Variants in ZNF577 observed in about 807,000 individuals in gnomAD.
The protein encoded by ZNF577 is zinc finger protein 577.
In ZNF577, 14 loss-of-function variants were observed where a neutral mutation model predicts 13.9. The observed-to-expected ratio is 1.00, with a 90% confidence interval of 0.66 to 1.57. The LOEUF is 1.57. Among genes scored for constraint, ZNF577 ranks in the 40% most tolerant of loss-of-function variants. ZNF577 has a pLI of 0.00. For missense variants in ZNF577, 555 were observed against 579.2 expected, an observed-to-expected ratio of 0.96 and a Z score of 0.43; for synonymous variants, 203 against 202.9, an observed-to-expected ratio of 1.00 and a Z score of 0.00.
intron 9 of ZNF577, among the ~76,000 whole-genome samples, chr19:51,829,676 A>G (rs1387962420): frequency 6.6e-6 from 1 of 152,212 alleles, no homozygotes; most frequent in African/African-American, 2.4e-5. Flanking sequence ...TAGTGAAGTC[A>G]GAAAAGATGA....
chr19:51,848,926 G>A (rs2084367338), intron 5 of ZNF577, among the ~76,000 whole-genome samples: 1 of 151,786 alleles, frequency 6.6e-6, no homozygotes, highest in South Asian at 2.1e-4. Flanking sequence ...AGATTATATT[G>A]CCTTTAGATA....
Position 51,873,008 on chromosome 19 carries a change from A to G in ZNF577, c.982T>C (p.Cys328Arg), listed in dbSNP as rs781413450. The G allele has an allele frequency of 4.3e-6, 7 of 1,614,104 alleles. No homozygotes were observed. Among genetic ancestry groups the G allele is most frequent in the Middle Eastern group, 1.6e-4 (1 of 6,082 alleles). Residue 328 changes from cysteine to arginine, a missense_variant, in exon 6 of 6, where the codon TGT becomes CGT. Transcript: ENST00000638348. ...CTAAAGGCTTTTTCACACTCACTACATTCATAAGGTTTCTCTCCCGTATGA... is the reference window on the plus strand; with the variant it reads ...CTAAAGGCTTTTTCACACTCACTACGTTCATAAGGTTTCTCTCCCGTATGA... Reference protein sequence around the residue: ...RIHTGEKPYECSECEKAFRSK... With the variant: ...RIHTGEKPYERSECEKAFRSK...
intron 10 of ZNF577, among the ~76,000 whole-genome samples, chr19:51,808,130 C>T (rs2084072707): frequency 6.6e-6 from 1 of 152,186 alleles, no homozygotes; most frequent in Non-Finnish European, 1.5e-5. Flanking sequence ...TTAGTTGCTG[C>T]AGGGAATTTA....
intron 6 of ZNF577, among the ~76,000 whole-genome samples, chr19:51,844,162 A>C (rs1197825557): frequency 6.6e-6 from 1 of 151,142 alleles, no homozygotes; most frequent in Non-Finnish European, 1.5e-5. Flanking sequence ...ACTTCTTACT[A>C]TGTGCTATGT....
At chr19:51,827,200 C>T (rs2084236598) in intron 9 of ZNF577, among the ~76,000 whole-genome samples, 1 of 152,194 alleles carries the variant, frequency 6.6e-6, no homozygotes. Context: ...ATCATCCTTG[C>T]TTCCATGTTA....
chr19:51,828,446 T>G (rs2084243041), intron 9 of ZNF577, among the ~76,000 whole-genome samples: 1 of 152,106 alleles, frequency 6.6e-6, no homozygotes, highest in Non-Finnish European at 1.5e-5. Context: ...GAGCCAGGGC[T>G]TCCAGATGGG....
chr19:51,809,384 A>G lies in ZNF577; in HGVS notation c.*817+2073T>C, dbSNP rs150355348. On this transcript the variant is annotated intron_variant and NMD_transcript_variant, in intron 10 of 10. Transcript: ENST00000638827. ...ATATGACTGACACATCAGCTCCCGT[A>G]TCCATAAGCCCATAAAATTTCTTTC... is the stretch of plus-strand genomic sequence containing the variant. Among the ~76,000 whole-genome samples the G allele has an allele frequency of 5.2e-4, 79 of 152,338 alleles. No homozygotes were observed. The East Asian group carries it at 0.015, about 28-fold the overall frequency.
In ZNF577 at chr19:51,867,469, A is replaced by T. The variant is rs1275155889; in HGVS notation, c.*5063T>A. Reference sequence around the variant, plus strand: ...CTCAATTTCCCTCCCTTAATGAAGGACAACTTTTTAAAAACACAAAGCTGG... The same window carrying T: ...CTCAATTTCCCTCCCTTAATGAAGGTCAACTTTTTAAAAACACAAAGCTGG... On this transcript the variant is annotated 3_prime_UTR_variant, in exon 6 of 6. Coordinates refer to ENST00000638348, the MANE Select transcript of ZNF577 (RefSeq NM_001370449.1). Among the ~76,000 whole-genome samples the T allele has an allele frequency of 6.6e-6, 1 of 152,030 alleles. No homozygotes were observed. The highest frequency in any genetic ancestry group is 2.4e-5 in the African/African-American group (1 of 41,404).
At chr19:51,819,536 G>A (rs2084172466) in intron 9 of ZNF577, among the ~76,000 whole-genome samples, 1 of 152,172 alleles carries the variant, frequency 6.6e-6, no homozygotes, top group African/African-American at 2.4e-5. Flanking sequence ...GAGATCCAGT[G>A]GTTCCTATGT....
chr19:51,866,347 C>T (rs1477192706), downstream of ZNF577, among the ~76,000 whole-genome samples: 2 of 151,860 alleles, frequency 1.3e-5, no homozygotes, highest in African/African-American at 4.8e-5. Flanking sequence ...CAGAGCAAGA[C>T]CTGTCTCAAA....
At chr19:51,814,994 G>A (rs1426387220) in intron 9 of ZNF577, among the ~76,000 whole-genome samples, 4 of 150,388 alleles carry the variant, frequency 2.7e-5, no homozygotes, top group Non-Finnish European at 5.9e-5. Flanking sequence ...ATTTTTAGTA[G>A]AGGCGGGGTT....
chr19:51,835,990 A>AG (rs1439258141), intron 9 of ZNF577, among the ~76,000 whole-genome samples: 1 of 152,056 alleles, frequency 6.6e-6, no homozygotes, highest in Admixed American at 6.6e-5. Flanking sequence ...ACCGCACCCG[A>AG]CCTTGAAATC....
At chr19:51,821,940 T>C (rs1599841077) in intron 9 of ZNF577, among the ~76,000 whole-genome samples, 1 of 151,952 alleles carries the variant, frequency 6.6e-6, no homozygotes, top group African/African-American at 2.4e-5. Context: ...GTAGGAAGAG[T>C]CTCTAATTTT....
chr19:51,846,535 G>A (rs774408862), intron 5 of ZNF577, among the ~76,000 whole-genome samples: 1 of 152,008 alleles, frequency 6.6e-6, no homozygotes, highest in Admixed American at 6.6e-5. Flanking sequence ...TAGCAAAACC[G>A]TGTCTCTACT....
chr19:51,805,899 G>C (rs1390927661), intron 10 of ZNF577, among the ~76,000 whole-genome samples: 2 of 152,148 alleles, frequency 1.3e-5, no homozygotes, highest in Non-Finnish European at 2.9e-5. Flanking sequence ...CCAAGCCTCG[G>C]ACAGATTAAC....
At chr19:51,817,584 C>T (rs1432899432) in intron 9 of ZNF577, 1 of 151,772 alleles carries the variant, frequency 6.6e-6, no homozygotes, top group Non-Finnish European at 1.5e-5. Flanking sequence ...AATGACCATT[C>T]AGCTTTTTTT....
intron 5 of ZNF577, among the ~76,000 whole-genome samples, chr19:51,856,672 A>T (rs2084424747): frequency 6.6e-6 from 1 of 152,226 alleles, no homozygotes; most frequent in African/African-American, 2.4e-5. Flanking sequence ...TGTTGTGAAC[A>T]GGACCATCAG....
chr19:51,854,553 T>G (rs1214266275), intron 5 of ZNF577, among the ~76,000 whole-genome samples: 1 of 150,754 alleles, frequency 6.6e-6, no homozygotes, highest in Non-Finnish European at 1.5e-5. Context: ...ATGCTTCTCC[T>G]GAACTCCTGG....
intron 5 of ZNF577, among the ~76,000 whole-genome samples, chr19:51,848,697 T>C (rs1344175489): frequency 6.6e-6 from 1 of 152,184 alleles, no homozygotes; most frequent in Non-Finnish European, 1.5e-5. Context: ...CCTGTGTATC[T>C]TGAAGAGCAC....
Sources: allele counts gnomAD v4.1 joint callset (sites outside exome capture counted in the v4.1 genomes callset), GRCh38; gene constraint gnomAD v4.1.1; transcripts MANE v1.5; gene names NCBI Gene and HGNC (gene_info 2026-07-23, HGNC 2026-07-21).